The following GPC5 variants were observed in gnomAD, a reference collection of about 807,000 sequenced individuals.
GPC5 encodes glypican-5.
In GPC5, 47 loss-of-function variants were observed where a neutral mutation model predicts 53.9. That is an observed-to-expected ratio of 0.87 (90% confidence interval 0.69 to 1.11). The LOEUF is 1.11. Ranked by LOEUF, GPC5 falls within the 50% of genes most tolerant of loss-of-function variation. GPC5 has a pLI of 0.00. For missense variants in GPC5, 748 were observed against 713.1 expected, an observed-to-expected ratio of 1.05 and a Z score of -0.56; for synonymous variants, 286 against 263.3, an observed-to-expected ratio of 1.09 and a Z score of -0.84.
At chr13:92,366,095 C>T (rs895954366) in intron 7 of GPC5, among the ~76,000 whole-genome samples, 14 of 151,492 alleles carry the variant, frequency 9.2e-5, no homozygotes, top group Admixed American at 7.9e-4. Flanking sequence ...AGTAATGCAT[C>T]CTGCTATGAT....
chr13:92,755,728 A>G (rs1306851494), intron 7 of GPC5, among the ~76,000 whole-genome samples: 1 of 139,732 alleles, frequency 7.2e-6, no homozygotes, highest in Non-Finnish European at 1.5e-5. Flanking sequence ...TAGAAAATCT[A>G]GAAGAAATGG....
At chr13:92,230,783 A>G (rs1410418589) in intron 7 of GPC5, among the ~76,000 whole-genome samples, 4 of 152,188 alleles carry the variant, frequency 2.6e-5, no homozygotes, top group Non-Finnish European at 5.9e-5. Flanking sequence ...CTTAGGGCCT[A>G]CCTGGTGCAC....
At chr13:91,801,261 G>GTGTGTGTA (rs1164991986) in intron 5 of GPC5, among the ~76,000 whole-genome samples, 1 of 131,722 alleles carries the variant, frequency 7.6e-6, no homozygotes, top group Non-Finnish European at 1.6e-5. Flanking sequence ...CTTTGTGTGT[G>GTGTGTGTA]TGTGTGTGTG....
chr13:92,391,487 G>A (rs1875000464), intron 7 of GPC5, among the ~76,000 whole-genome samples: 1 of 151,848 alleles, frequency 6.6e-6, no homozygotes, highest in Admixed American at 6.6e-5. Flanking sequence ...CATCTTGCTG[G>A]GGAACTTTGA....
chr13:91,509,954 T>C (rs755891336), intron 2 of GPC5, among the ~76,000 whole-genome samples: 3 of 152,174 alleles, frequency 2.0e-5, no homozygotes, highest in Non-Finnish European at 2.9e-5. Context: ...TGGTTTGTCA[T>C]TATCACTTGT....
At chr13:91,974,673 T>C (rs2040280325) in intron 6 of GPC5, among the ~76,000 whole-genome samples, 1 of 152,120 alleles carries the variant, frequency 6.6e-6, no homozygotes, top group Non-Finnish European at 1.5e-5. Flanking sequence ...AGAATCAATA[T>C]GGTGAAAATG....
intron 2 of GPC5, among the ~76,000 whole-genome samples, chr13:91,692,896 G>A (rs542481064): frequency 6.6e-6 from 1 of 152,104 alleles, no homozygotes; most frequent in African/African-American, 2.4e-5. Context: ...CACCTCCCTC[G>A]GCTTCCCAAA....
At position 91,841,513 on chromosome 13, in the gene GPC5, TTA is replaced by T. The variant is rs570375806; in HGVS notation, c.1281-66422_1281-66421del. Among the ~76,000 whole-genome samples the T allele has an allele frequency of 5.2e-4, 79 of 152,068 alleles. 1 individual carries two copies. The highest frequency in any genetic ancestry group is 1.9e-3 in the African/African-American group (77 of 41,488). Reference sequence around the variant, plus strand: ...AAGTAATATACGTGCTAAATGCTGTTTATGTCTTCTTCGTTCTGTTGCCCCAC... The same window carrying T: ...AAGTAATATACGTGCTAAATGCTGTTTGTCTTCTTCGTTCTGTTGCCCCAC... On this transcript the variant is annotated intron_variant, in intron 5 of 7. Transcript: ENST00000377067.
At chr13:91,523,431 A>T (rs370710053) in intron 2 of GPC5, among the ~76,000 whole-genome samples, 1 of 152,238 alleles carries the variant, frequency 6.6e-6, no homozygotes, top group Non-Finnish European at 1.5e-5. Flanking sequence ...TTGCAACAAC[A>T]TGAATGAATC....
At chr13:91,676,990 C>T (rs2035399084) in intron 2 of GPC5, among the ~76,000 whole-genome samples, 1 of 152,154 alleles carries the variant, frequency 6.6e-6, no homozygotes, top group Non-Finnish European at 1.5e-5. Flanking sequence ...CTTGCATGCT[C>T]ATGCTGTGTG....
At chr13:91,542,317 AAAAAGAGGCCCC>A (rs2029991829) in intron 2 of GPC5, among the ~76,000 whole-genome samples, 1 of 152,214 alleles carries the variant, frequency 6.6e-6, no homozygotes, top group Admixed American at 6.5e-5. Context: ...GTGAAATCAT[AAAAAGAGGCCCC>A]ATTTAAGGAA....
At chr13:91,591,225 T>C (rs761029918) in intron 2 of GPC5, among the ~76,000 whole-genome samples, 1 of 152,154 alleles carries the variant, frequency 6.6e-6, no homozygotes, top group Non-Finnish European at 1.5e-5. Context: ...CCACCAGAAA[T>C]TGGGTTATAA....
intron 5 of GPC5, among the ~76,000 whole-genome samples, chr13:91,891,898 A>G (rs1389606214): frequency 4.6e-5 from 7 of 152,108 alleles, no homozygotes; most frequent in Non-Finnish European, 7.4e-5. Flanking sequence ...CATGAATCTG[A>G]TTGCAGATGC....
intron 6 of GPC5, among the ~76,000 whole-genome samples, chr13:91,965,225 G>A: frequency 6.6e-6 from 1 of 152,160 alleles, no homozygotes; most frequent in Non-Finnish European, 1.5e-5. Flanking sequence ...AGAACTTAAA[G>A]TATAATAATA....
At chr13:91,900,359 G>C (rs1364234330) in intron 5 of GPC5, among the ~76,000 whole-genome samples, 1 of 152,060 alleles carries the variant, frequency 6.6e-6, no homozygotes, top group Non-Finnish European at 1.5e-5. Flanking sequence ...AGTGAAGTGA[G>C]ACAGCAAATC....
At chr13:92,122,279 T>C (rs1277435675) in intron 6 of GPC5, among the ~76,000 whole-genome samples, 1 of 122,512 alleles carries the variant, frequency 8.2e-6, no homozygotes, top group Non-Finnish European at 1.7e-5. Flanking sequence ...ACAGCGCTTT[T>C]TTTTTTTTAA....
chr13:92,759,115 T>G (rs941993489), intron 7 of GPC5, among the ~76,000 whole-genome samples: 1 of 151,508 alleles, frequency 6.6e-6, no homozygotes, highest in Non-Finnish European at 1.5e-5. Flanking sequence ...TGTTTGTCTG[T>G]TTTTATGCCA....
chr13:92,006,878 A>T (rs1450159361), intron 6 of GPC5, among the ~76,000 whole-genome samples: 2 of 152,160 alleles, frequency 1.3e-5, no homozygotes, highest in African/African-American at 4.8e-5. Flanking sequence ...TCCACTCATT[A>T]GTTAATTAAC....
chr13:91,929,949 G>A (rs1382937295), intron 6 of GPC5, among the ~76,000 whole-genome samples: 1 of 151,936 alleles, frequency 6.6e-6, no homozygotes, highest in Non-Finnish European at 1.5e-5. Flanking sequence ...ATGATCTTTG[G>A]AGCAATAAAT....
Sources: gnomAD v4.1 joint callset for allele counts (sites outside exome capture counted in the v4.1 genomes callset) on GRCh38, gnomAD v4.1.1 for gene constraint, MANE v1.5 for transcripts, NCBI Gene and HGNC (gene_info 2026-07-23, HGNC 2026-07-21) for gene names.